Variants in MAP2 observed in about 807,000 individuals in gnomAD.
MAP2 encodes microtubule-associated protein 2.
MAP2 carries 14 observed loss-of-function variants against 137.6 expected under a neutral mutation model. The observed-to-expected ratio is 0.10, with a 90% CI of 0.07 to 0.16. The LOEUF is 0.16. Among genes scored for constraint, MAP2 ranks in the 10% least tolerant of loss-of-function variants. The pLI, the probability that MAP2 is intolerant of heterozygous loss-of-function variation, is 1.00. For missense variants in MAP2, 2,088 were observed against 2,191.5 expected (o/e 0.95, Z 0.94); for synonymous variants, 786 against 782.3 (o/e 1.00, Z -0.08).
intron 4 of MAP2, among the ~76,000 whole-genome samples, chr2:209,645,636 A>G (rs1359108685): frequency 6.6e-6 from 1 of 152,212 alleles, no homozygotes; most frequent in African/African-American, 2.4e-5. Context: ...TGTGTGCTAA[A>G]TGATATTATA....
At chr2:209,679,642 A>G (rs1033734498) in intron 6 of MAP2, among the ~76,000 whole-genome samples, 3 of 152,060 alleles carry the variant, frequency 2.0e-5, no homozygotes, top group African/African-American at 7.2e-5. Context: ...AGTAATAAAA[A>G]TAATCTGCCC....
At chr2:209,443,560 G>A (rs992495870) in intron 1 of MAP2, among the ~76,000 whole-genome samples, 24 of 11,402 alleles carry the variant, frequency 2.1e-3, no homozygotes, top group African/African-American at 0.011. Flanking sequence ...TATGCTACCA[G>A]TCTCTTCAAC....
chr2:209,431,486 A>G (rs746647125), intron 1 of MAP2, among the ~76,000 whole-genome samples: 9 of 152,196 alleles, frequency 5.9e-5, no homozygotes, highest in Non-Finnish European at 1.2e-4. Context: ...AAAGGCATCA[A>G]TTCTCAAGAC....
chr2:209,733,455 CT>C lies in MAP2; in HGVS notation c.*3060del, dbSNP rs2076031777. On this transcript the variant is annotated 3_prime_UTR_variant, in exon 16 of 16. Transcript: ENST00000682079. ...GGAAGAATGTACTGATTGTAGTGACCTTCTCCACACACACACACACACACAC... is the reference window on the plus strand; with the variant it reads ...GGAAGAATGTACTGATTGTAGTGACCTCTCCACACACACACACACACACAC... 1.2e-5 allele frequency: 1 copy of C among 82,808 alleles called. No individual in the cohort carries two copies. The highest frequency in any genetic ancestry group is 3.9e-5 in the African/African-American group (1 of 25,488). The allele number at this position is 82,808 out of a possible 1,614,324, so 5.1% of individuals were successfully genotyped here.
At chr2:209,688,587 G>A (rs2057865249) in intron 7 of MAP2, among the ~76,000 whole-genome samples, 1 of 152,114 alleles carries the variant, frequency 6.6e-6, no homozygotes, top group African/African-American at 2.4e-5. Flanking sequence ...AGTAGAGCTG[G>A]ACTAAAATGA....
rs372538064 is a variant in MAP2 at position 209,643,240 on chromosome 2, T to G, written c.-29-9902T>G. ...TTTCCAAGACTTTATTGTTTCTCCT[T>G]TTGCCAATTTTTGAGAGTAGTTAGT... is the stretch of plus-strand genomic sequence containing the variant. On this transcript the variant is annotated intron_variant, in intron 4 of 15. Coordinates refer to ENST00000682079, the MANE Select transcript of MAP2 (RefSeq NM_001375505.1). 1.6e-4 allele frequency among the ~76,000 whole-genome samples: 25 copies of G among 152,304 alleles called. No homozygotes were observed. The East Asian group carries it at 4.4e-3, about 27-fold the overall frequency.
In MAP2 at chr2:209,653,133, C is replaced by G; in HGVS notation, c.-29-9C>G. 1 of 1,535,522 alleles carries G rather than the reference C, an allele frequency of 6.5e-7. No individual in the cohort carries two copies. The highest frequency in any genetic ancestry group is 8.7e-7 in the Non-Finnish European group (1 of 1,143,662). On this transcript the variant is annotated splice_polypyrimidine_tract_variant and intron_variant, in intron 4 of 15. Coordinates refer to ENST00000682079, the MANE Select transcript of MAP2 (RefSeq NM_001375505.1). ...CCCAAAGTAATAGCTACTATTTTTTCTCTTTCAGTTGCAGGAGAAATAACA... is the reference window on the plus strand; with the variant it reads ...CCCAAAGTAATAGCTACTATTTTTTGTCTTTCAGTTGCAGGAGAAATAACA...
chr2:209,466,711 AC>A (rs770926110), intron 1 of MAP2, among the ~76,000 whole-genome samples: 1 of 152,160 alleles, frequency 6.6e-6, no homozygotes. Flanking sequence ...CTCCATGAAA[AC>A]CCTTAAAGAT....
At chr2:209,718,201 A>C (rs1277898979) in intron 13 of MAP2, among the ~76,000 whole-genome samples, 1 of 152,054 alleles carries the variant, frequency 6.6e-6, no homozygotes, top group Admixed American at 6.6e-5. Context: ...ATTATGAGAA[A>C]ATTACCACTT....
chr2:209,664,177 T>G (rs2153642732), intron 5 of MAP2, among the ~76,000 whole-genome samples: 1 of 152,392 alleles, frequency 6.6e-6, no homozygotes, highest in Non-Finnish European at 1.5e-5. Flanking sequence ...TTCATTCATC[T>G]TTCTTTTCCT....
At chr2:209,455,985 G>T (rs1342805023) in intron 1 of MAP2, among the ~76,000 whole-genome samples, 1 of 152,074 alleles carries the variant, frequency 6.6e-6, no homozygotes, top group East Asian at 1.9e-4. Context: ...ATCTTGTTAG[G>T]TCAATGTACC....
chr2:209,602,189 A>G (rs890840717), intron 3 of MAP2, among the ~76,000 whole-genome samples: 1 of 152,182 alleles, frequency 6.6e-6, no homozygotes, highest in Non-Finnish European at 1.5e-5. Context: ...TTCTTTTTAT[A>G]TTTCTCTCAA....
rs570579627 is a variant in MAP2, at chr2:209,666,436, T to G, written c.263-12136T>G. The stretch of plus-strand genomic sequence containing the variant: ...TTGGGATAACAGTAGAGGATAACAG[T>G]AGAGGAATAACAGTAGAGGAATAAC... On this transcript the variant is annotated intron_variant, in intron 5 of 15. Coordinates refer to ENST00000682079, the MANE Select transcript of MAP2 (RefSeq NM_001375505.1). Among the ~76,000 whole-genome samples the G allele has an allele frequency of 2.0e-5, 3 of 152,118 alleles. No homozygotes were observed. In the East Asian group the frequency reaches 5.8e-4, roughly 29 times the overall value.
intron 2 of MAP2, among the ~76,000 whole-genome samples, chr2:209,570,124 T>C (rs1194020966): frequency 1.3e-5 from 2 of 151,914 alleles, no homozygotes; most frequent in Non-Finnish European, 3.0e-5. Context: ...ATATTTTTAA[T>C]CTTATCTGTT....
Position 209,693,541 on chromosome 2 carries a change from A to G in MAP2, c.1371A>G (p.Pro457=), listed in dbSNP as rs1032327093. Residue 457 remains proline, a synonymous_variant, in exon 8 of 16, where the codon CCA becomes CCG. Transcript: ENST00000682079. ...KTTISDKEAV[P]KESKPPKPAD... Reference sequence around the variant, plus strand: ...CCATTTCTGACAAAGAAGCTGTGCCAAAAGAGAGTAAACCCCCAAAACCTG... The same window carrying G: ...CCATTTCTGACAAAGAAGCTGTGCCGAAAGAGAGTAAACCCCCAAAACCTG... 3 of 1,611,650 alleles carry G rather than the reference A, an allele frequency of 1.9e-6. No individual in the cohort carries two copies. Among genetic ancestry groups the G allele is most frequent in the South Asian group, 1.1e-5 (1 of 90,492 alleles).
intron 5 of MAP2, chr2:209,661,436 G>A: frequency 1.2e-6 from 1 of 863,608 alleles, no homozygotes; most frequent in Non-Finnish European, 1.4e-6. Flanking sequence ...ACCACTCATT[G>A]CTCTGGCTGC....
intron 2 of MAP2, among the ~76,000 whole-genome samples, chr2:209,541,920 G>A (rs933264458): frequency 6.6e-6 from 1 of 152,184 alleles, no homozygotes; most frequent in Non-Finnish European, 1.5e-5. Flanking sequence ...GTTAGTGTTA[G>A]TATTTTGACC....
intron 2 of MAP2, among the ~76,000 whole-genome samples, chr2:209,561,082 A>T (rs2071948576): frequency 1.3e-5 from 2 of 152,170 alleles, no homozygotes; most frequent in South Asian, 2.1e-4. Context: ...AGCAGGCATG[A>T]GGTTGGAGGA....
chr2:209,480,959 T>G (rs1708594792), intron 1 of MAP2, among the ~76,000 whole-genome samples: 1 of 152,158 alleles, frequency 6.6e-6, no homozygotes. Context: ...AATGCTGGGT[T>G]CATCATAAGG....
Sources: allele counts gnomAD v4.1 joint callset (sites outside exome capture counted in the v4.1 genomes callset), GRCh38; gene constraint gnomAD v4.1.1; transcripts MANE v1.5; gene names NCBI Gene and HGNC (gene_info 2026-07-23, HGNC 2026-07-21).